Variants in FMN1 observed in about 807,000 individuals in gnomAD.
FMN1 encodes the protein formin 1.
FMN1 carries 110 observed loss-of-function variants against 132.4 expected under a neutral mutation model. The ratio of observed to expected loss-of-function variants is 0.83; its 90% CI spans 0.71 to 0.97. The LOEUF (loss-of-function observed/expected upper bound fraction) is 0.97. Among genes scored for constraint, FMN1 ranks in the 50% least tolerant of loss-of-function variants. The pLI, the probability that FMN1 is intolerant of heterozygous loss-of-function variation, is 0.00. For missense variants in FMN1, 1,792 were observed against 1,705.3 expected (o/e 1.05, Z -0.90); for synonymous variants, 722 against 651.7 (o/e 1.11, Z -1.64).
At chr15:32,887,633 A>G (rs879770799) in intron 16 of FMN1, among the ~76,000 whole-genome samples, 75 of 152,236 alleles carry the variant, frequency 4.9e-4, no homozygotes, top group Non-Finnish European at 3.2e-4. Flanking sequence ...TATGTATGAT[A>G]TACATATATA....
chr15:32,969,366 C>G lies in FMN1; in HGVS notation c.2335G>C (p.Gly779Arg). Reference protein sequence around the residue: ...LKHELEHRWRGGCEERKDVCI... With the variant: ...LKHELEHRWRRGCEERKDVCI... ...ACATCTTTCCTCTCTTCACAACCCC[C>G]TCGCCATCTGTGTTCTAGCTCGTGT... The change falls in exon 8 of 21, where the codon GGG becomes CGG. Residue 779 changes from glycine to arginine, a missense_variant. By Grantham distance (125) the Gly-to-Arg change is moderately radical. Transcript: ENST00000616417. 6.2e-7 allele frequency: 1 copy of G among 1,613,972 alleles called. No homozygotes were observed.
At chr15:32,992,928 A>G (rs2033528463) in intron 7 of FMN1, among the ~76,000 whole-genome samples, 1 of 152,210 alleles carries the variant, frequency 6.6e-6, no homozygotes, top group African/African-American at 2.4e-5. Flanking sequence ...AGTTTTCACT[A>G]ACTTTATTTT....
At position 32,772,324 on chromosome 15, in the gene FMN1, C is replaced by T. The variant is rs1222103451; in HGVS notation, c.*1986G>A. 1 of 152,186 alleles carries T rather than the reference C, an allele frequency of 6.6e-6. No homozygotes were observed. The highest frequency in any genetic ancestry group is 1.5e-5 in the Non-Finnish European group (1 of 68,064). The allele number at this position is 152,186 out of a possible 1,614,324, so 9.4% of individuals were successfully genotyped here. A position where few individuals can be genotyped will look rare whatever the true frequency, so the allele number is the denominator to read the frequency against. ...CCTCCCGCTGCTCTCACCATCAAGC[C>T]TATAAGGATTGAGACTTCTGCTGGC... On this transcript the variant is annotated 3_prime_UTR_variant, in exon 21 of 21. Coordinates refer to ENST00000616417, the MANE Select transcript of FMN1 (RefSeq NM_001277313.2).
At chr15:33,056,939 G>A (rs1463908305) in intron 6 of FMN1, among the ~76,000 whole-genome samples, 1 of 152,204 alleles carries the variant, frequency 6.6e-6, no homozygotes, top group East Asian at 1.9e-4. Flanking sequence ...CGCTTTGGGA[G>A]GCTGAGGCAG....
intron 6 of FMN1, among the ~76,000 whole-genome samples, chr15:33,049,760 A>G (rs1371739965): frequency 6.6e-6 from 1 of 152,206 alleles, no homozygotes; most frequent in Non-Finnish European, 1.5e-5. Context: ...TCGTGTTCAA[A>G]TAAGGCAAAC....
intron 16 of FMN1, among the ~76,000 whole-genome samples, chr15:32,886,940 A>G (rs866509954): frequency 1.3e-5 from 2 of 152,318 alleles, no homozygotes; most frequent in African/African-American, 4.8e-5. Flanking sequence ...AAGTTCACAT[A>G]TCGCATTTCT....
chr15:33,077,566 C>T lies in FMN1; in HGVS notation c.2043+11233G>A, dbSNP rs930517848. 4.0e-5 allele frequency among the ~76,000 whole-genome samples: 6 copies of T among 151,784 alleles called. No homozygotes were observed. In the East Asian group the frequency reaches 1.2e-3, roughly 29 times the overall value. On this transcript the variant is annotated intron_variant, in intron 5 of 20. Transcript: ENST00000616417. ...TGTGTGATGTTCCCCTTCCTATGTC[C>T]ATGTGTTCTCACTGTTCAATTCCCA... is the stretch of plus-strand genomic sequence containing the variant.
At chr15:32,871,955 A>T (rs1214255423) in intron 16 of FMN1, among the ~76,000 whole-genome samples, 1 of 152,092 alleles carries the variant, frequency 6.6e-6, no homozygotes, top group Non-Finnish European at 1.5e-5. Context: ...CAAGACCATA[A>T]CTGGTGATAT....
intron 4 of FMN1, among the ~76,000 whole-genome samples, chr15:33,107,999 G>A (rs967259028): frequency 1.3e-5 from 2 of 152,088 alleles, no homozygotes; most frequent in East Asian, 1.9e-4. Flanking sequence ...TTTGGATGCC[G>A]TGTTATTGGG....
chr15:33,012,818 G>A, intron 6 of FMN1: 1 of 655,984 alleles, frequency 1.5e-6, no homozygotes, highest in East Asian at 3.1e-5. Flanking sequence ...TGTGGTGGTG[G>A]AGGATATGGT....
At position 32,908,173 on chromosome 15, in the gene FMN1, A is replaced by G. The variant is rs115062672; in HGVS notation, c.3377+317T>C. The stretch of plus-strand genomic sequence containing the variant: ...CATCAAGAGAACCTTAAACAGAACA[A>G]TGCCTTCTTCCTTCCTCAGTTACCC... On this transcript the variant is annotated intron_variant, in intron 12 of 20. Transcript: ENST00000616417. 7.6e-3 allele frequency: 1,783 copies of G among 235,108 alleles called. 31 individuals carry two copies. Among genetic ancestry groups the G allele is most frequent in the African/African-American group, 0.038 (1,692 of 44,568 alleles). 14.6% of individuals were successfully genotyped at this position (235,108 alleles called of 1,614,324 possible).
At chr15:32,880,665 T>C (rs2059749169) in intron 16 of FMN1, among the ~76,000 whole-genome samples, 2 of 152,234 alleles carry the variant, frequency 1.3e-5, no homozygotes, top group African/African-American at 4.8e-5. Flanking sequence ...AAAATGTTTT[T>C]AATCTGTCCT....
chr15:33,008,362 G>T (rs1047514931), intron 6 of FMN1, among the ~76,000 whole-genome samples: 25 of 152,138 alleles, frequency 1.6e-4, no homozygotes, highest in African/African-American at 6.0e-4. Context: ...TAAACACTAG[G>T]TCAGGAGTTT....
At chr15:32,866,301 T>C (rs552106294) in intron 16 of FMN1, among the ~76,000 whole-genome samples, 1 of 152,312 alleles carries the variant, frequency 6.6e-6, no homozygotes, top group East Asian at 1.9e-4. Flanking sequence ...ATTCTTAGTT[T>C]TTCATACACT....
chr15:33,173,413 T>C (rs1042816984), intron 3 of FMN1, among the ~76,000 whole-genome samples: 1 of 152,212 alleles, frequency 6.6e-6, no homozygotes, highest in South Asian at 2.1e-4. Flanking sequence ...CAGTGCTGCT[T>C]CAGGGCCCAG....
intron 20 of FMN1, among the ~76,000 whole-genome samples, chr15:32,774,778 G>A (rs1294807196): frequency 9.1e-6 from 1 of 109,788 alleles, no homozygotes; most frequent in African/African-American, 3.8e-5. Context: ...TGATCAACTT[G>A]GCAGAACTCA....
intron 9 of FMN1, among the ~76,000 whole-genome samples, chr15:32,960,961 C>T (rs574320728): frequency 4.6e-4 from 59 of 128,460 alleles, no homozygotes; most frequent in African/African-American, 1.6e-3. Flanking sequence ...CACCATTGCA[C>T]TCCCACCTAG....
intron 6 of FMN1, among the ~76,000 whole-genome samples, chr15:33,054,439 G>C (rs959414487): frequency 6.6e-6 from 1 of 151,948 alleles, no homozygotes; most frequent in Non-Finnish European, 1.5e-5. Flanking sequence ...TTTTTACATG[G>C]GTTTGGATCA....
chr15:32,792,364 G>A (rs931139374), intron 19 of FMN1, among the ~76,000 whole-genome samples: 1 of 151,682 alleles, frequency 6.6e-6, no homozygotes, highest in Non-Finnish European at 1.5e-5. Context: ...AGAATGGCAT[G>A]AACCCGGAAG....
Sources: gnomAD v4.1 joint callset for allele counts (sites outside exome capture counted in the v4.1 genomes callset) on GRCh38, gnomAD v4.1.1 for gene constraint, MANE v1.5 for transcripts, NCBI Gene and HGNC (gene_info 2026-07-23, HGNC 2026-07-21) for gene names.